Variants in CPM observed in about 807,000 individuals in gnomAD.
CPM encodes the protein carboxypeptidase M, also known as renal carboxypeptidase.
In CPM, 35 loss-of-function variants were observed where a neutral mutation model predicts 46.4. The observed-to-expected ratio is 0.75, with a 90% CI of 0.58 to 1.00. The LOEUF is 1.00. Ranked by LOEUF, CPM falls within the 50% of genes least tolerant of loss-of-function variation. The pLI, the probability that CPM is intolerant of heterozygous loss-of-function variation, is 0.00. For missense variants in CPM, 422 were observed against 530.4 expected (o/e 0.80, Z 2.01); for synonymous variants, 195 against 195.3 (o/e 1.00, Z 0.01).
intron 2 of CPM, among the ~76,000 whole-genome samples, chr12:68,928,706 A>AT (rs1888372991): frequency 6.6e-6 from 1 of 152,024 alleles, no homozygotes; most frequent in Non-Finnish European, 1.5e-5. Flanking sequence ...TTCAGATACA[A>AT]TGATGATCAG....
At chr12:68,912,535 T>C (rs1443029482) in intron 2 of CPM, among the ~76,000 whole-genome samples, 1 of 152,200 alleles carries the variant, frequency 6.6e-6, no homozygotes, top group Non-Finnish European at 1.5e-5. Context: ...ATAAAGGCTA[T>C]GTAAAAAGAG....
chr12:68,885,804 C>G lies in CPM; in HGVS notation c.246G>C (p.Met82Ile). 6.2e-7 allele frequency: 1 copy of G among 1,613,760 alleles called. No homozygotes were observed. Among genetic ancestry groups the G allele is most frequent in the African/African-American group, 1.3e-5 (1 of 75,020 alleles). ...GIPEFKYVAN[M>I]HGDETVGREL... ...GCCACATACGTACCTCATCTCCATG[C>G]ATATTTGCCACGTATTTGAACTCTG... The change falls in exon 3 of 9, where the codon ATG becomes ATC. Residue 82 changes from methionine (M) to isoleucine (I), a missense_variant. Physicochemically the swap from Met to Ile is conservative, Grantham distance 10 (BLOSUM62 1). Transcript: ENST00000551568.
intron 7 of CPM, 192 bp downstream of exon 7, chr12:68,866,704 G>A (rs1358952086): frequency 2.4e-5 from 13 of 540,306 alleles, no homozygotes; most frequent in Non-Finnish European, 3.9e-5. Flanking sequence ...CCTTTTCTAT[G>A]AATGAGTGGG....
chr12:68,875,023 T>C (rs1175498608), intron 3 of CPM, among the ~76,000 whole-genome samples: 1 of 152,166 alleles, frequency 6.6e-6, no homozygotes, highest in East Asian at 1.9e-4. Context: ...AGAATTAGAT[T>C]AAGCAGTCTT....
In CPM at chr12:68,844,854, C is replaced by T. The variant is rs545148355; in HGVS notation, c.534-2525G>A. On this transcript the variant is annotated intron_variant, in intron 5 of 5. Transcript: ENST00000551897. ...CAATCTTGGCTCACTGCAACCTCTG[C>T]CTCCTGGCTGTGTTCAAGTGGTTCT... is the stretch of plus-strand genomic sequence containing the variant. 156 of 202,078 alleles carry T rather than the reference C, an allele frequency of 7.7e-4. 2 individuals carry two copies. Among genetic ancestry groups the T allele is most frequent in the African/African-American group, 3.0e-3 (133 of 43,626 alleles). The allele number at this position is 202,078 out of a possible 1,614,324, so 12.5% of individuals were successfully genotyped here. A position where few individuals can be genotyped will look rare whatever the true frequency, so the allele number is the denominator to read the frequency against.
At chr12:68,887,811 G>A (rs909720683) in intron 2 of CPM, among the ~76,000 whole-genome samples, 1 of 152,158 alleles carries the variant, frequency 6.6e-6, no homozygotes, top group South Asian at 2.1e-4. Context: ...TTCCAAGGAG[G>A]GGGCTGATGA....
rs778304935 is a variant in CPM, at chr12:68,856,538, G to A, written c.1231C>T (p.Pro411Ser). The change falls in exon 9 of 9, where the codon CCA becomes TCA. Residue 411 changes from proline (P) to serine (S), a missense_variant. Coordinates refer to ENST00000551568, the MANE Select transcript of CPM (RefSeq NM_198320.5). ...AAATTTCTGTATAGAGGAATCATTG[G>A]GCATGAAGGATTTGATACTGGGATA... ...DSIPVSNPSC[P>S]MIPLYRNLPD... 8.1e-6 allele frequency: 13 copies of A among 1,614,100 alleles called. No individual in the cohort carries two copies. In the East Asian group the frequency reaches 2.2e-4, roughly 28 times the overall value.
intron 1 of CPM, among the ~76,000 whole-genome samples, chr12:68,952,715 C>T (rs1888955110): frequency 6.6e-6 from 1 of 152,172 alleles, no homozygotes; most frequent in East Asian, 1.9e-4. Context: ...TCTTTTCATG[C>T]CTCCCACAGG....
chr12:68,858,031 G>A (rs956037851), intron 8 of CPM, among the ~76,000 whole-genome samples: 6 of 152,092 alleles, frequency 3.9e-5, no homozygotes, highest in Non-Finnish European at 5.9e-5. Context: ...GGCACCTTGG[G>A]GAGAACCCAT....
chr12:68,884,714 G>A (rs1374581696), intron 3 of CPM, among the ~76,000 whole-genome samples: 4 of 152,138 alleles, frequency 2.6e-5, no homozygotes, highest in African/African-American at 4.8e-5. Context: ...CTCTTTGATC[G>A]CTCAGTTTTA....
intron 2 of CPM, among the ~76,000 whole-genome samples, chr12:68,897,650 T>A (rs1001576743): frequency 1.3e-5 from 2 of 148,366 alleles, no homozygotes; most frequent in Non-Finnish European, 3.0e-5. Flanking sequence ...GGCAGGAGAA[T>A]CGCTTGAACC....
At chr12:68,861,702 A>G (rs1885223006) in intron 7 of CPM, among the ~76,000 whole-genome samples, 1 of 151,598 alleles carries the variant, frequency 6.6e-6, no homozygotes, top group Non-Finnish European at 1.5e-5. Flanking sequence ...CTTATTTTGT[A>G]TTTTTAGTAG....
At chr12:68,866,846 A>G (rs750994607) in intron 7 of CPM, 50 bp downstream of exon 7, 2 of 1,521,410 alleles carry the variant, frequency 1.3e-6, no homozygotes, top group East Asian at 4.5e-5. Flanking sequence ...AGGTCTTGCC[A>G]GATGCTCTAT....
chr12:68,920,263 C>A (rs969741001), intron 2 of CPM, among the ~76,000 whole-genome samples: 2 of 152,172 alleles, frequency 1.3e-5, no homozygotes, highest in African/African-American at 4.8e-5. Flanking sequence ...TTCTTTCTAG[C>A]AACCCAAGAA....
intron 2 of CPM, among the ~76,000 whole-genome samples, chr12:68,931,436 A>C (rs545968944): frequency 6.6e-6 from 1 of 152,204 alleles, no homozygotes; most frequent in South Asian, 2.1e-4. Context: ...AGGATAATAA[A>C]AGATGATTAA....
intron 1 of CPM, among the ~76,000 whole-genome samples, chr12:68,956,379 G>A (rs1336199217): frequency 6.6e-6 from 1 of 152,188 alleles, no homozygotes; most frequent in Non-Finnish European, 1.5e-5. Context: ...GGAGGGCAGG[G>A]ATCCCATCCC....
chr12:68,842,513 A>G (rs1251125576), intron 5 of CPM: 1 of 382,126 alleles, frequency 2.6e-6, no homozygotes, highest in African/African-American at 2.2e-5. Flanking sequence ...TTACAAAATC[A>G]TCTACATTGC....
chr12:68,947,916 A>G (rs544696633), intron 1 of CPM, among the ~76,000 whole-genome samples: 9 of 152,218 alleles, frequency 5.9e-5, no homozygotes, highest in Non-Finnish European at 1.3e-4. Context: ...ATTTCAACCC[A>G]TTTCTAGCAT....
At chr12:68,873,814 C>CT (rs1028042803) in intron 3 of CPM, among the ~76,000 whole-genome samples, 166 of 150,674 alleles carry the variant, frequency 1.1e-3, no homozygotes, top group African/African-American at 3.7e-3. Context: ...CTTCCACTAC[C>CT]TTTTTTTTTG....
Sources: allele counts gnomAD v4.1 joint callset (sites outside exome capture counted in the v4.1 genomes callset), GRCh38; gene constraint gnomAD v4.1.1; transcripts MANE v1.5; gene names NCBI Gene and HGNC (gene_info 2026-07-23, HGNC 2026-07-21).